The following RHOT2 variants were observed in gnomAD, a reference collection of about 807,000 sequenced individuals.
RHOT2 encodes the protein mitochondrial Rho GTPase 2.
A neutral mutation model predicts 81.6 loss-of-function variants in RHOT2; 90 were observed. The observed-to-expected ratio is 1.10, with a 90% confidence interval of 0.93 to 1.31. The LOEUF (loss-of-function observed/expected upper bound fraction) is 1.31. RHOT2 is among the 40% of genes most tolerant of loss of function. The pLI, the probability that RHOT2 is intolerant of heterozygous loss-of-function variation, is 0.00. For synonymous variants in RHOT2, 512 were observed against 370.9 expected (o/e 1.38, Z -4.37); for missense variants, 1,014 against 841.9 (o/e 1.20, Z -2.53).
intron 5 of RHOT2, 78 bp downstream of exon 5, chr16:669,684 G>T: frequency 6.9e-7 from 1 of 1,445,674 alleles, no homozygotes; most frequent in Non-Finnish European, 9.6e-7. Flanking sequence ...CCCAACCCGT[G>T]GCCAGTGCCA....
At position 674,112 on chromosome 16, in the gene RHOT2, A is replaced by G. The variant is rs3180742; in HGVS notation, c.*506A>G. On this transcript the variant is annotated 3_prime_UTR_variant, in exon 19 of 19. Coordinates refer to ENST00000315082, the MANE Select transcript of RHOT2 (RefSeq NM_138769.3). Reference sequence around the variant, plus strand: ...GAGGTTGGGTTCCTGATTAAACTTCACTGTGTGTTTTCTATCTCGGATCCC... The same window carrying G: ...GAGGTTGGGTTCCTGATTAAACTTCGCTGTGTGTTTTCTATCTCGGATCCC... The G allele has an allele frequency of 5.0e-5, 10 of 200,118 alleles. No homozygotes were observed. The highest frequency in any genetic ancestry group is 2.4e-5 in the African/African-American group (1 of 41,794). 12.4% of individuals were successfully genotyped at this position (200,118 alleles called of 1,614,324 possible).
intron 12 of RHOT2, 29 bp downstream of exon 12, chr16:671,810 G>GCCCCCTCCCCCC: frequency 1.3e-6 from 2 of 1,586,242 alleles, no homozygotes; most frequent in Non-Finnish European, 8.6e-7. Flanking sequence ...CCCTGCCCCT[G>GCCCCCTCCCCCC]CCCCCGCCCC....
chr16:669,558 C>T lies in RHOT2; in HGVS notation c.228C>T (p.Asn76=), dbSNP rs538463525. The T allele has an allele frequency of 8.7e-6, 14 of 1,611,950 alleles. 1 individual carries two copies. Among genetic ancestry groups the T allele is most frequent in the African/African-American group, 5.3e-5 (4 of 75,042 alleles). ...CCTCATCACTGTTCCCTCAGGCAAA[C>T]GTGGTGTGTGTGGTGTATGACGTCT... ...EELREEIHKA[N]VVCVVYDVSE... Residue 76 remains asparagine, a synonymous_variant, in exon 5 of 19, where the codon AAC becomes AAT. Transcript: ENST00000315082.
Position 672,522 on chromosome 16 carries a change from G to T in RHOT2, c.1360G>T (p.Ala454Ser), listed in dbSNP as rs142157910. The T allele has an allele frequency of 1.9e-6, 3 of 1,612,630 alleles. No homozygotes were observed. In the Admixed American group the frequency reaches 5.0e-5, roughly 27 times the overall value. Residue 454 changes from alanine to serine, a missense_variant, in exon 16 of 19, where the codon GCC (alanine) becomes TCC (serine). Ala to Ser is a moderately conservative substitution (Grantham distance 99, BLOSUM62 1). Coordinates refer to ENST00000315082, the MANE Select transcript of RHOT2 (RefSeq NM_138769.3). Reference protein sequence around the residue: ...QDTREQPPGYAIDTVQVNGQE... With the variant: ...QDTREQPPGYSIDTVQVNGQE... The stretch of plus-strand genomic sequence containing the variant: ...CACGAGGGAGCAGCCTCCCGGCTAC[G>T]CCATCGACACGGTGCAGGTCAATGG...
chr16:670,447 C>G lies in RHOT2; in HGVS notation c.439-9C>G. ...GGGCACTTCCCTGAGGCTGTTCCCA[C>G]TTTCCCAGTGTTCGGCCAAGAACCT... On this transcript the variant is annotated splice_polypyrimidine_tract_variant and intron_variant, in intron 7 of 18. Transcript: ENST00000315082. 1.9e-6 allele frequency: 3 copies of G among 1,605,704 alleles called. No individual in the cohort carries two copies. Among genetic ancestry groups the G allele is most frequent in the Non-Finnish European group, 2.6e-6 (3 of 1,175,936 alleles).
Position 673,525 on chromosome 16 carries a change from G to A in RHOT2, c.1776G>A (p.Arg592=), listed in dbSNP as rs1230610258. ...TGCATCCCTCTTCCTTCTGGCTCCG[G>A]GGGCTGCTGGGGGTTGTCGGGGCCG... is the stretch of plus-strand genomic sequence containing the variant. ...AELHPSSFWL[R]GLLGVVGAAV... Residue 592 remains arginine, a synonymous_variant, in exon 19 of 19, where the codon CGG becomes CGA. Transcript: ENST00000315082. 4 of 1,612,556 alleles carry A rather than the reference G, an allele frequency of 2.5e-6. No individual in the cohort carries two copies. Among genetic ancestry groups the A allele is most frequent in the East Asian group, 2.2e-5 (1 of 44,892 alleles).
At chr16:670,220 C>T (rs1823578605) in intron 6 of RHOT2, 29 bp from the exon 7 acceptor site, 1 of 1,611,762 alleles carries the variant, frequency 6.2e-7, no homozygotes, top group Non-Finnish European at 8.5e-7. Flanking sequence ...GGCTCCCCTG[C>T]CCCTGGTGAC....
chr16:670,931 G>C lies in RHOT2; in HGVS notation c.679G>C (p.Glu227Gln). 2 of 1,569,926 alleles carry C rather than the reference G, an allele frequency of 1.3e-6. No homozygotes were observed. Among genetic ancestry groups the C allele is most frequent in the South Asian group, 1.2e-5 (1 of 85,904 alleles). Residue 227 changes from glutamate to glutamine, a missense_variant, in exon 10 of 19, where the codon GAG becomes CAG. Glu to Gln is a conservative substitution (Grantham distance 29, BLOSUM62 2). Transcript: ENST00000315082. ...GCACCCCCTGGCCCCGCAGGCCCTG[G>C]AGGACGTGAAGACGGTGGTGTGCAG... ...FGHPLAPQALEDVKTVVCRNV... is the reference protein window; with the variant it reads ...FGHPLAPQALQDVKTVVCRNV...
At position 671,099 on chromosome 16, in the gene RHOT2, C is replaced by A; in HGVS notation, c.765C>A (p.Asn255Lys). The change falls in exon 11 of 19, where the codon AAC becomes AAA. Residue 255 changes from asparagine to lysine, a missense_variant. Coordinates refer to ENST00000315082, the MANE Select transcript of RHOT2 (RefSeq NM_138769.3). ...RLTLDGFLFL[N>K]TLFIQRGRHE... ...TCGGTGCAGGTTTCCTCTTCCTGAACACGCTCTTCATCCAGCGCGGCCGGC... is the reference window on the plus strand; with the variant it reads ...TCGGTGCAGGTTTCCTCTTCCTGAAAACGCTCTTCATCCAGCGCGGCCGGC... 2 of 1,609,156 alleles carry A rather than the reference C, an allele frequency of 1.2e-6. No individual in the cohort carries two copies. The highest frequency in any genetic ancestry group is 4.5e-5 in the East Asian group (2 of 44,862).
chr16:673,439 A>G (rs763059898), intron 18 of RHOT2, 41 bp from the exon 19 acceptor site: 7 of 1,611,896 alleles, frequency 4.3e-6, no homozygotes, highest in Non-Finnish European at 5.9e-6. Flanking sequence ...AGCTGGGGGC[A>G]TGTGCCTGAG....
rs1435773395 is a variant in RHOT2, at chr16:672,097, C to CT, written c.1112dup (p.Asp372GlyfsTer19). ...GCCCACCCCCAGCCTGGTGACCTAC[C>CT]TGGACGTCCGGAGCTGCCTTGGACA... On this transcript the variant is annotated frameshift_variant, in exon 14 of 19. Transcript: ENST00000315082. LOFTEE classifies it high-confidence loss of function. 9.3e-6 allele frequency: 15 copies of CT among 1,612,630 alleles called. 1 individual carries two copies. Among genetic ancestry groups the CT allele is most frequent in the Non-Finnish European group, 9.3e-6 (11 of 1,179,910 alleles).
In RHOT2 at chr16:669,603, G is replaced by A. The variant is rs763753270; in HGVS notation, c.273G>A (p.Glu91=). Residue 91 remains glutamate (E), a synonymous_variant, in exon 5 of 19, where the codon GAG becomes GAA. Transcript: ENST00000315082. ...VYDVSEEATI[E]KIRTKWIPLV... The stretch of plus-strand genomic sequence containing the variant: ...ACGTCTCTGAGGAGGCCACCATTGA[G>A]AAGGTGAGCCCTCAGTGCAGACCCC... 5 of 1,611,668 alleles carry A rather than the reference G, an allele frequency of 3.1e-6. No individual in the cohort carries two copies. The highest frequency in any genetic ancestry group is 4.2e-6 in the Non-Finnish European group (5 of 1,179,892).
rs751126550 is a variant in RHOT2, at chr16:668,676, G to A, written c.199G>A (p.Glu67Lys). The change falls in exon 4 of 19, where the codon GAG (glutamate) becomes AAG (lysine). Residue 67 changes from glutamate (E) to lysine (K), a missense_variant. Coordinates refer to ENST00000315082, the MANE Select transcript of RHOT2 (RefSeq NM_138769.3). Reference sequence around the variant, plus strand: ...CCTAGAAGCCGAGCAGACGGACGAGGAGCTGCGGGAGGAGATCCACAAGGT... The same window carrying A: ...CCTAGAAGCCGAGCAGACGGACGAGAAGCTGCGGGAGGAGATCCACAAGGT... ...DYSEAEQTDE[E>K]LREEIHKANV... 6.9e-6 allele frequency: 11 copies of A among 1,604,788 alleles called. No homozygotes were observed. The highest frequency in any genetic ancestry group is 3.4e-5 in the Admixed American group (2 of 58,976).
At chr16:672,408 CACCCCAGGG>C (rs1417918412) in intron 15 of RHOT2, 24 bp downstream of exon 15, 4 of 1,607,330 alleles carry the variant, frequency 2.5e-6, no homozygotes, top group Non-Finnish European at 8.5e-7. Context: ...ACTCCCCCAC[CACCCCAGGG>C]GCTCCAGGGG....
At chr16:670,620 C>CGG (rs2038761621) in intron 8 of RHOT2, 55 bp from the exon 9 acceptor site, 1 of 1,601,354 alleles carries the variant, frequency 6.2e-7, no homozygotes, top group Non-Finnish European at 8.5e-7. Flanking sequence ...CTGGGTGGGG[C>CGG]GGTGTGGCAG....
rs2039188077 is a variant in RHOT2, at chr16:672,789, C to T, written c.1491C>T (p.Asp497=). ...DVACLMFDGS[D]PKSFAHCASV... ...CCTGCTTGATGTTTGATGGCAGTGACCCAAAGTCCTTTGCACATTGTGCCA... is the reference window on the plus strand; with the variant it reads ...CCTGCTTGATGTTTGATGGCAGTGATCCAAAGTCCTTTGCACATTGTGCCA... Residue 497 remains aspartate (D), a synonymous_variant, in exon 17 of 19, where the codon GAC becomes GAT. Coordinates refer to ENST00000315082, the MANE Select transcript of RHOT2 (RefSeq NM_138769.3). 1 of 1,612,700 alleles carries T rather than the reference C, an allele frequency of 6.2e-7. No individual in the cohort carries two copies. Among genetic ancestry groups the T allele is most frequent in the Admixed American group, 1.7e-5 (1 of 60,030 alleles).
Position 670,954 on chromosome 16 carries a change from C to A in RHOT2, c.702C>A (p.Cys234Ter). 1 of 1,574,630 alleles carries A rather than the reference C, an allele frequency of 6.4e-7. No homozygotes were observed. Among genetic ancestry groups the A allele is most frequent in the South Asian group, 1.2e-5 (1 of 86,510 alleles). ...TGGAGGACGTGAAGACGGTGGTGTG[C>A]AGGAACGTGGCGGGCGGCGTGCGGG... The part of the protein sequence containing the change: ...QALEDVKTVV[C>*]RNVAGGVRED... The change falls in exon 10 of 19, where the codon TGC becomes TGA. Residue 234 changes from cysteine to a stop codon, truncating the protein, a stop_gained. Coordinates refer to ENST00000315082, the MANE Select transcript of RHOT2 (RefSeq NM_138769.3). LOFTEE classifies it high-confidence loss of function.
At chr16:673,344 T>C in intron 18 of RHOT2, 136 bp from the exon 19 acceptor site, 1 of 1,378,990 alleles carries the variant, frequency 7.3e-7, no homozygotes, top group East Asian at 2.3e-5. Flanking sequence ...CTCCAGGGCC[T>C]GGCCTCCACC....
In RHOT2 at chr16:669,592, GCCA is replaced by G. The variant is rs1254994238; in HGVS notation, c.266_268del (p.Thr89del). The G allele has an allele frequency of 8.1e-6, 13 of 1,611,506 alleles. No homozygotes were observed. The highest frequency in any genetic ancestry group is 1.0e-5 in the Non-Finnish European group (12 of 1,179,752). Reference sequence around the variant, plus strand: ...TGTGGTGTATGACGTCTCTGAGGAGGCCACCATTGAGAAGGTGAGCCCTCAGTG... The same window carrying G: ...TGTGGTGTATGACGTCTCTGAGGAGGCCATTGAGAAGGTGAGCCCTCAGTG... On this transcript the variant is annotated inframe_deletion, in exon 5 of 19. Coordinates refer to ENST00000315082, the MANE Select transcript of RHOT2 (RefSeq NM_138769.3).
Sources: allele counts gnomAD v4.1 joint callset, GRCh38; gene constraint gnomAD v4.1.1; transcripts MANE v1.5; gene names NCBI Gene and HGNC (gene_info 2026-07-23, HGNC 2026-07-21).